Variants in NGEF observed in about 807,000 individuals in gnomAD.
NGEF encodes the protein ephexin-1.
In NGEF, 31 loss-of-function variants were observed where a neutral mutation model predicts 80.9. The ratio of observed to expected loss-of-function variants is 0.38; its 90% CI spans 0.29 to 0.52. The LOEUF (loss-of-function observed/expected upper bound fraction) is 0.52. Ranked by LOEUF, NGEF falls within the 20% of genes least tolerant of loss-of-function variation. The pLI, the probability that NGEF is intolerant of heterozygous loss-of-function variation, is 0.84. For missense variants in NGEF, 709 were observed against 926.2 expected (o/e 0.77, Z 3.04); for synonymous variants, 371 against 370.2 (o/e 1.00, Z -0.03).
intron 3 of NGEF, among the ~76,000 whole-genome samples, chr2:232,946,758 C>T (rs1253388446): frequency 6.6e-6 from 1 of 152,138 alleles, no homozygotes; most frequent in Non-Finnish European, 1.5e-5. Flanking sequence ...AGGAAGTATT[C>T]AAAGACAGCT....
chr2:232,965,917 G>C (rs74584474), intron 3 of NGEF, among the ~76,000 whole-genome samples: 1,944 of 152,022 alleles, frequency 0.013, 38 homozygotes, highest in African/African-American at 0.045. Context: ...AACAGGAAGG[G>C]GCTCATTTCT....
chr2:232,958,444 T>C (rs10178127), intron 3 of NGEF, among the ~76,000 whole-genome samples: 91,149 of 152,038 alleles, frequency 0.6, 28,051 homozygotes, highest in African/African-American at 0.73. Flanking sequence ...AGATCTCAGC[T>C]TCTGCCCGGG....
At chr2:232,961,735 A>G (rs1693957282) in intron 3 of NGEF, among the ~76,000 whole-genome samples, 1 of 152,038 alleles carries the variant, frequency 6.6e-6, no homozygotes, top group Non-Finnish European at 1.5e-5. Context: ...TGACCTCGTG[A>G]TCTGCCCGCC....
At chr2:232,939,988 C>A (rs1693406068) in intron 3 of NGEF, among the ~76,000 whole-genome samples, 1 of 144,794 alleles carries the variant, frequency 6.9e-6, no homozygotes, top group African/African-American at 2.5e-5. Flanking sequence ...CAGAGTGGGA[C>A]TCCATCTTAA....
chr2:232,883,861 A>T, intron 11 of NGEF, 120 bp downstream of exon 11: 1 of 1,084,286 alleles, frequency 9.2e-7, no homozygotes, highest in Non-Finnish European at 1.3e-6. Flanking sequence ...AGACCTTTAA[A>T]CCTGACCGAA....
chr2:232,980,313 G>A (rs567600701), intron 1 of NGEF, among the ~76,000 whole-genome samples: 1 of 152,270 alleles, frequency 6.6e-6, no homozygotes, highest in East Asian at 1.9e-4. Flanking sequence ...TGCAGGCTCA[G>A]CTGTAGCAAT....
chr2:232,887,737 G>GA (rs375342153), intron 9 of NGEF, among the ~76,000 whole-genome samples: 91 of 152,300 alleles, frequency 6.0e-4, no homozygotes, highest in African/African-American at 2.0e-3. Flanking sequence ...CACTGGTGAA[G>GA]AATGTCCTGA....
chr2:232,985,677 C>T (rs1694518773), intron 1 of NGEF, among the ~76,000 whole-genome samples: 1 of 152,112 alleles, frequency 6.6e-6, no homozygotes, highest in South Asian at 2.1e-4. Flanking sequence ...GGCGTGAACC[C>T]AGGAGGTGGA....
intron 9 of NGEF, 66 bp from the exon 10 acceptor site, chr2:232,885,435 G>A (rs577712576): frequency 1.2e-5 from 17 of 1,375,266 alleles, no homozygotes; most frequent in Middle Eastern, 1.8e-4. Flanking sequence ...CCTCCAGCTC[G>A]GTCAGGCCAC....
At position 232,974,878 on chromosome 2, in the gene NGEF, C is replaced by T; in HGVS notation, c.13G>A (p.Glu5Lys). Reference sequence around the variant, plus strand: ...CGGGTCTTTTCCAAATCTTCAGATTCCCTGGTCTCCATGGAAATAGAGCCA... The same window carrying T: ...CGGGTCTTTTCCAAATCTTCAGATTTCCTGGTCTCCATGGAAATAGAGCCA... METR[E>K]SEDLEKTRRK... Residue 5 changes from glutamate (E) to lysine (K), a missense_variant, in exon 2 of 15, where the codon GAA becomes AAA. Around this residue, in one of 2 missense-constraint regions of NGEF, gnomAD observed 283 missense variants for 303.4 expected, o/e 0.93. Transcript: ENST00000264051. The T allele has an allele frequency of 6.2e-7, 1 of 1,613,390 alleles. No individual in the cohort carries two copies. The highest frequency in any genetic ancestry group is 2.2e-5 in the East Asian group (1 of 44,884).
At chr2:232,901,412 C>G in intron 5 of NGEF, 2 of 985,544 alleles carry the variant, frequency 2.0e-6, no homozygotes, top group Non-Finnish European at 2.4e-6. Flanking sequence ...CTGGGCCGTG[C>G]ATTCCAGCCT....
chr2:232,977,970 G>A (rs1694331309), intron 1 of NGEF, among the ~76,000 whole-genome samples: 1 of 152,152 alleles, frequency 6.6e-6, no homozygotes, highest in Admixed American at 6.5e-5. Flanking sequence ...CTCCTGGTCT[G>A]GGAAGCAGGA....
intron 1 of NGEF, among the ~76,000 whole-genome samples, chr2:233,001,667 T>A (rs1694981347): frequency 6.6e-6 from 1 of 152,202 alleles, no homozygotes; most frequent in East Asian, 1.9e-4. Context: ...GCAGATGTGT[T>A]TTTAAAAACG....
chr2:232,999,753 G>A (rs1334972608), intron 1 of NGEF, among the ~76,000 whole-genome samples: 2 of 152,238 alleles, frequency 1.3e-5, no homozygotes, highest in Non-Finnish European at 2.9e-5. Flanking sequence ...CAGACGCTAC[G>A]TAAAAGTGGT....
rs543084377 is a variant in NGEF, at chr2:232,974,879, C to T, written c.12G>A (p.Arg4=). 6.2e-7 allele frequency: 1 copy of T among 1,613,340 alleles called. No homozygotes were observed. The highest frequency in any genetic ancestry group is 1.1e-5 in the South Asian group (1 of 90,824). The part of the protein sequence containing the change: MET[R]ESEDLEKTRR... ...GGGTCTTTTCCAAATCTTCAGATTCCCTGGTCTCCATGGAAATAGAGCCAG... is the reference window on the plus strand; with the variant it reads ...GGGTCTTTTCCAAATCTTCAGATTCTCTGGTCTCCATGGAAATAGAGCCAG... The change falls in exon 2 of 15, where the codon AGG becomes AGA. Residue 4 remains arginine, a synonymous_variant. Transcript: ENST00000264051.
At chr2:232,887,506 T>A (rs1246487063) in intron 9 of NGEF, among the ~76,000 whole-genome samples, 1 of 150,830 alleles carries the variant, frequency 6.6e-6, no homozygotes, top group South Asian at 2.1e-4. Flanking sequence ...ACTGGGAGAG[T>A]GGCGTGGAGG....
intron 5 of NGEF, among the ~76,000 whole-genome samples, chr2:232,902,895 C>G (rs559407416): frequency 5.2e-4 from 79 of 152,234 alleles, no homozygotes; most frequent in African/African-American, 1.8e-3. Flanking sequence ...TTGGGAGGCT[C>G]AGGTGGAAGA....
chr2:232,922,184 G>A (rs1027296273), intron 4 of NGEF, among the ~76,000 whole-genome samples: 5 of 152,158 alleles, frequency 3.3e-5, no homozygotes, highest in African/African-American at 1.2e-4. Flanking sequence ...CTCTTACAAC[G>A]CAGTACAACT....
chr2:232,984,221 A>G (rs184206132), intron 1 of NGEF, among the ~76,000 whole-genome samples: 11 of 151,640 alleles, frequency 7.3e-5, no homozygotes, highest in Non-Finnish European at 1.5e-4. Context: ...AGTAGCGAGG[A>G]CTACAGGCAC....
Sources: gnomAD v4.1 joint callset for allele counts (sites outside exome capture counted in the v4.1 genomes callset) on GRCh38, gnomAD v4.1.1 for gene constraint, gnomAD v4.1.1 regional missense constraint, MANE v1.5 for transcripts, NCBI Gene and HGNC (gene_info 2026-07-23, HGNC 2026-07-21) for gene names.